CEP63: variants seen among roughly 807,000 people sequenced by gnomAD.
CEP63 encodes centrosomal protein 63.
Under a neutral mutation model 89.1 loss-of-function variants are expected in CEP63, and 84 were observed. The ratio of observed to expected loss-of-function variants is 0.94; its 90% CI spans 0.79 to 1.13. CEP63 has a LOEUF of 1.13. CEP63 is among the 50% of genes most tolerant of loss of function. The pLI is 0.00. For synonymous variants in CEP63, 267 were observed against 272.5 expected (o/e 0.98, Z 0.20); for missense variants, 838 against 813.3 (o/e 1.03, Z -0.37).
the CEP63 span, among the ~76,000 whole-genome samples, chr3:134,605,253 C>A: frequency 6.6e-6 from 1 of 152,160 alleles, no homozygotes; most frequent in South Asian, 2.1e-4. Context: ...TCCTGGCTTC[C>A]AGGGCCACAG....
At chr3:134,553,243 T>C (rs980305079) in intron 12 of CEP63, 21 of 152,242 alleles carry the variant, frequency 1.4e-4, no homozygotes, top group Admixed American at 1.2e-3. Context: ...AAGACTATTA[T>C]AGAGTACCTT....
chr3:134,760,061 T>TC, the CEP63 span, among the ~76,000 whole-genome samples: 32 of 148,704 alleles, frequency 2.2e-4, no homozygotes, highest in African/African-American at 4.2e-4. Context: ...GCACTTTCTT[T>TC]TTTTTTTTTT....
the CEP63 span, among the ~76,000 whole-genome samples, chr3:134,741,400 G>T: frequency 5.3e-5 from 8 of 152,186 alleles, no homozygotes; most frequent in Admixed American, 5.2e-4. Context: ...GGGGTAGAGA[G>T]TGAGGTAGCA....
the CEP63 span, among the ~76,000 whole-genome samples, chr3:134,643,829 C>CTTT: frequency 0.013 from 1,839 of 143,038 alleles, 38 homozygotes; most frequent in African/African-American, 0.042. Context: ...TCTCCTGCTT[C>CTTT]TTTTTTTTTT....
At chr3:134,706,134 T>A in the CEP63 span, among the ~76,000 whole-genome samples, 4 of 152,044 alleles carry the variant, frequency 2.6e-5, no homozygotes, top group African/African-American at 9.7e-5. Context: ...AATTTTAACA[T>A]GTTGATTAGA....
the CEP63 span, among the ~76,000 whole-genome samples, chr3:134,613,922 G>A: frequency 2.0e-5 from 3 of 152,272 alleles, no homozygotes; most frequent in Admixed American, 6.5e-5. Context: ...ATCACTGGCC[G>A]CACACACTGT....
At chr3:134,736,310 AT>A in the CEP63 span, among the ~76,000 whole-genome samples, 1 of 152,202 alleles carries the variant, frequency 6.6e-6, no homozygotes, top group Non-Finnish European at 1.5e-5. Flanking sequence ...AGAATGCCCC[AT>A]TCACCACTTT....
At chr3:134,662,900 A>G in the CEP63 span, among the ~76,000 whole-genome samples, 1 of 152,226 alleles carries the variant, frequency 6.6e-6, no homozygotes, top group Non-Finnish European at 1.5e-5. Context: ...CAGCTGTATC[A>G]GATCCAGGGT....
At chr3:134,733,837 T>G in the CEP63 span, among the ~76,000 whole-genome samples, 1 of 150,644 alleles carries the variant, frequency 6.6e-6, no homozygotes, top group Non-Finnish European at 1.5e-5. Flanking sequence ...CCACCCAGAT[T>G]GTGGTACTTT....
the CEP63 span, among the ~76,000 whole-genome samples, chr3:134,764,969 G>A: frequency 1.1e-4 from 16 of 152,108 alleles, no homozygotes; most frequent in African/African-American, 3.9e-4. Flanking sequence ...ACTCCTTTGA[G>A]GTCTCATTAT....
At chr3:134,648,216 G>A in the CEP63 span, among the ~76,000 whole-genome samples, 10 of 152,200 alleles carry the variant, frequency 6.6e-5, no homozygotes, top group African/African-American at 4.8e-5. Flanking sequence ...GGCCGAGGAG[G>A]TTTCCTCACT....
the CEP63 span, chr3:134,600,944 C>G: frequency 1.3e-5 from 2 of 152,234 alleles, no homozygotes; most frequent in Non-Finnish European, 2.9e-5. Context: ...ACAGCATTTT[C>G]AAGTTCTGCG....
the CEP63 span, among the ~76,000 whole-genome samples, chr3:134,747,716 A>G: frequency 6.6e-6 from 1 of 152,098 alleles, no homozygotes; most frequent in Non-Finnish European, 1.5e-5. Context: ...AAAGGGGGGG[A>G]GAGTTAATGG....
intron 2 of CEP63, among the ~76,000 whole-genome samples, chr3:134,505,486 G>A (rs532890287): frequency 8.5e-5 from 13 of 152,190 alleles, no homozygotes; most frequent in African/African-American, 1.2e-4. Flanking sequence ...TGGTCATCAC[G>A]TACCAGACAG....
At chr3:134,769,881 G>C in the CEP63 span, among the ~76,000 whole-genome samples, 1 of 152,176 alleles carries the variant, frequency 6.6e-6, no homozygotes, top group African/African-American at 2.4e-5. Context: ...GCTATTTATC[G>C]TCCCTCTCAT....
the CEP63 span, among the ~76,000 whole-genome samples, chr3:134,676,408 G>A: frequency 1.4e-4 from 21 of 152,316 alleles, no homozygotes; most frequent in South Asian, 4.4e-3. Flanking sequence ...AGTAGATTCT[G>A]GTTGCCAGGG....
At chr3:134,687,190 C>T in the CEP63 span, among the ~76,000 whole-genome samples, 50 of 152,250 alleles carry the variant, frequency 3.3e-4, 1 homozygote, top group East Asian at 8.5e-3. Context: ...ACTTTGGTCA[C>T]CAGGAAAAAT....
chr3:134,720,398 C>G, the CEP63 span, among the ~76,000 whole-genome samples: 6 of 152,134 alleles, frequency 3.9e-5, no homozygotes, highest in African/African-American at 1.4e-4. Flanking sequence ...AATATTTTCT[C>G]CTATTATTTG....
the CEP63 span, among the ~76,000 whole-genome samples, chr3:134,637,594 T>C: frequency 6.6e-6 from 1 of 152,224 alleles, no homozygotes; most frequent in African/African-American, 2.4e-5. Flanking sequence ...GTGAACAACT[T>C]ATTGGCATAG....
Sources: gnomAD v4.1 joint callset for allele counts (sites outside exome capture counted in the v4.1 genomes callset) on GRCh38, gnomAD v4.1.1 for gene constraint, MANE v1.5 for transcripts, NCBI Gene and HGNC (gene_info 2026-07-23, HGNC 2026-07-21) for gene names.